Variants in CTNNA2 observed in about 807,000 individuals in gnomAD.
CTNNA2 encodes the protein catenin alpha 2, also known as catenin alpha-2.
CTNNA2 carries 42 observed loss-of-function variants against 101.0 expected under a neutral mutation model. That is an observed-to-expected ratio of 0.42 (90% CI 0.32 to 0.54). The LOEUF is 0.54. CTNNA2 is among the 20% of genes least tolerant of loss of function. The pLI is 0.14. For missense variants in CTNNA2, 871 were observed against 1,223.1 expected, an observed-to-expected ratio of 0.71 and a Z score of 4.29; for synonymous variants, 450 against 456.4, an observed-to-expected ratio of 0.99 and a Z score of 0.18.
intron 7 of CTNNA2, among the ~76,000 whole-genome samples, chr2:80,350,783 G>A (rs185796556): frequency 6.6e-5 from 10 of 152,206 alleles, no homozygotes; most frequent in African/African-American, 2.4e-4. Context: ...ATGGCTCAAT[G>A]ACTGTTTTCA....
intron 1 of CTNNA2, among the ~76,000 whole-genome samples, chr2:79,618,485 A>G (rs1267800027): frequency 2.6e-5 from 4 of 152,076 alleles, no homozygotes; most frequent in African/African-American, 9.7e-5. Flanking sequence ...GGTTTAGTTC[A>G]CTGATGAGAA....
rs546094077 is a variant in CTNNA2, at chr2:80,267,581, G to T, written c.1057-125630G>T. 2.4e-3 allele frequency among the ~76,000 whole-genome samples: 372 copies of T among 152,272 alleles called. 2 individuals are homozygous for T. The highest frequency in any genetic ancestry group is 8.3e-3 in the African/African-American group (346 of 41,552). On this transcript the variant is annotated intron_variant, in intron 7 of 18. Transcript: ENST00000402739. ...ACAGATGGAATGAAATTGCCACCTG[G>T]ATGGGAAACTACAAATGACAATACA...
At chr2:79,809,609 A>G (rs111724916) in intron 3 of CTNNA2, among the ~76,000 whole-genome samples, 4,992 of 152,116 alleles carry the variant, frequency 0.033, 290 homozygotes, top group African/African-American at 0.11. Flanking sequence ...GTCTATTCAT[A>G]TCCTTTGCCC....
At chr2:79,937,463 T>A (rs189965835) in intron 7 of CTNNA2, among the ~76,000 whole-genome samples, 51 of 152,346 alleles carry the variant, frequency 3.3e-4, no homozygotes, top group Non-Finnish European at 6.2e-4. Context: ...TCTTCACTCA[T>A]GATTTCTTGA....
intron 9 of CTNNA2, among the ~76,000 whole-genome samples, chr2:80,472,803 G>C (rs140424474): frequency 6.6e-6 from 1 of 152,196 alleles, no homozygotes; most frequent in Non-Finnish European, 1.5e-5. Context: ...GAAGGAGACT[G>C]GTTGACACAT....
At chr2:80,436,288 C>G (rs1682019206) in intron 9 of CTNNA2, among the ~76,000 whole-genome samples, 2 of 152,130 alleles carry the variant, frequency 1.3e-5, no homozygotes, top group South Asian at 4.1e-4. Flanking sequence ...ATGTGTGCCC[C>G]CAGGCAGCAT....
chr2:79,514,122 A>G (rs1671679797), intron 1 of CTNNA2, among the ~76,000 whole-genome samples: 2 of 152,226 alleles, frequency 1.3e-5, no homozygotes, highest in Non-Finnish European at 2.9e-5. Context: ...TGTGCACCAC[A>G]GCATTATTTA....
At chr2:79,227,253 A>G (rs1180123373) in intron 2 of CTNNA2, among the ~76,000 whole-genome samples, 1 of 152,180 alleles carries the variant, frequency 6.6e-6, no homozygotes, top group East Asian at 1.9e-4. Context: ...TGGGCATGCA[A>G]ACATCATGGG....
intron 4 of CTNNA2, among the ~76,000 whole-genome samples, chr2:79,442,013 A>C (rs911880335): frequency 6.6e-6 from 1 of 152,156 alleles, no homozygotes; most frequent in Non-Finnish European, 1.5e-5. Flanking sequence ...ATTTGTGACT[A>C]ATTAGCTATT....
intron 1 of CTNNA2, among the ~76,000 whole-genome samples, chr2:79,605,775 G>T (rs72923322): frequency 5.3e-5 from 8 of 151,884 alleles, no homozygotes; most frequent in African/African-American, 1.9e-4. Context: ...TAATAAACTA[G>T]CTGTGTGTGG....
chr2:79,612,857 A>G (rs1008863646), intron 1 of CTNNA2, among the ~76,000 whole-genome samples: 1 of 152,186 alleles, frequency 6.6e-6, no homozygotes, highest in African/African-American at 2.4e-5. Context: ...TTTTTTTAAA[A>G]TTACATTTTC....
At chr2:80,278,832 G>T (rs1014641585) in intron 7 of CTNNA2, among the ~76,000 whole-genome samples, 8 of 151,934 alleles carry the variant, frequency 5.3e-5, no homozygotes, top group African/African-American at 1.9e-4. Context: ...ATATATATCA[G>T]TTGGGCACAC....
chr2:79,916,100 T>C (rs1558638702), intron 7 of CTNNA2, among the ~76,000 whole-genome samples: 1 of 152,244 alleles, frequency 6.6e-6, no homozygotes, highest in African/African-American at 2.4e-5. Context: ...TTCCTATTAT[T>C]ATGTAGATGA....
chr2:79,210,088 T>TTGTGTGTGTGTGTGTG (rs59836500), intron 2 of CTNNA2, among the ~76,000 whole-genome samples: 111 of 144,880 alleles, frequency 7.7e-4, no homozygotes, highest in African/African-American at 2.3e-3. Flanking sequence ...TCAAGCTATA[T>TTGTGTGTGTGTGTGTG]TGTGTGTGTG....
intron 3 of CTNNA2, among the ~76,000 whole-genome samples, chr2:79,845,271 C>A (rs1680148866): frequency 6.7e-6 from 1 of 148,186 alleles, no homozygotes; most frequent in Non-Finnish European, 1.5e-5. Flanking sequence ...TCTTTCAGAA[C>A]CATCAAGCTG....
At chr2:80,386,075 C>T (rs1316680144) in intron 7 of CTNNA2, among the ~76,000 whole-genome samples, 1 of 152,160 alleles carries the variant, frequency 6.6e-6, no homozygotes, top group Non-Finnish European at 1.5e-5. Flanking sequence ...TGATATTGCT[C>T]TACTATCGGA....
chr2:79,438,671 A>C (rs1023870687), intron 4 of CTNNA2, among the ~76,000 whole-genome samples: 4 of 152,184 alleles, frequency 2.6e-5, no homozygotes, highest in African/African-American at 9.7e-5. Context: ...GTTGACAGCC[A>C]CTGTCCTAGA....
At chr2:79,848,850 T>A (rs1052502071) in intron 3 of CTNNA2, among the ~76,000 whole-genome samples, 2 of 152,104 alleles carry the variant, frequency 1.3e-5, no homozygotes. Flanking sequence ...GTGGCTATAG[T>A]GGGATTTTGT....
intron 7 of CTNNA2, among the ~76,000 whole-genome samples, chr2:80,363,926 T>G (rs950820092): frequency 2.0e-5 from 3 of 152,200 alleles, no homozygotes; most frequent in African/African-American, 7.2e-5. Context: ...GCTACACTTG[T>G]GTCGCTTACC....
Sources: gnomAD v4.1 joint callset for allele counts (sites outside exome capture counted in the v4.1 genomes callset) on GRCh38, gnomAD v4.1.1 for gene constraint, MANE v1.5 for transcripts, NCBI Gene and HGNC (gene_info 2026-07-23, HGNC 2026-07-21) for gene names.